Variants in LARS2 observed in about 807,000 individuals in gnomAD.
LARS2 encodes leucyl-tRNA synthetase 2, mitochondrial.
LARS2 carries 81 observed loss-of-function variants against 116.6 expected under a neutral mutation model. That is an observed-to-expected ratio of 0.69 (90% CI 0.58 to 0.84). LARS2 has a LOEUF of 0.84. Among genes scored for constraint, LARS2 ranks in the 40% least tolerant of loss-of-function variants. The probability of loss-of-function intolerance (pLI) is 0.00; values close to 1 mark genes in which losing one functional copy is unlikely to be tolerated. For synonymous variants in LARS2, 396 were observed against 407.2 expected, an observed-to-expected ratio of 0.97 and a Z score of 0.33; for missense variants, 968 against 1,114.5, an observed-to-expected ratio of 0.87 and a Z score of 1.87.
At chr3:45,393,164 G>A (rs544982212) in intron 2 of LARS2, among the ~76,000 whole-genome samples, 21 of 152,274 alleles carry the variant, frequency 1.4e-4, no homozygotes, top group African/African-American at 4.8e-4. Flanking sequence ...CCTATGAGTT[G>A]TATTTCAAAA....
intron 13 of LARS2, among the ~76,000 whole-genome samples, chr3:45,493,617 GGGC>G (rs1231734924): frequency 6.6e-6 from 1 of 152,138 alleles, no homozygotes; most frequent in African/African-American, 2.4e-5. Flanking sequence ...ATAATCCCCA[GGGC>G]TACTGGGGAT....
intron 13 of LARS2, among the ~76,000 whole-genome samples, chr3:45,496,063 G>A (rs1160117232): frequency 2.6e-5 from 4 of 152,128 alleles, no homozygotes; most frequent in African/African-American, 9.7e-5. Flanking sequence ...GTTTCACCAT[G>A]TTGGCCAGTA....
intron 15 of LARS2, 76 bp from the exon 16 acceptor site, chr3:45,513,059 G>A (rs1437470932): frequency 1.0e-6 from 1 of 973,096 alleles, no homozygotes; most frequent in African/African-American, 1.6e-5. Flanking sequence ...CCATCCGAGG[G>A]AAGGTCTGCG....
At chr3:45,418,612 T>A (rs1698468696) in intron 5 of LARS2, among the ~76,000 whole-genome samples, 1 of 152,200 alleles carries the variant, frequency 6.6e-6, no homozygotes, top group South Asian at 2.1e-4. Context: ...TGGAACACAG[T>A]CAAATCCATT....
rs896084596 is a variant in LARS2 at position 45,549,154 on chromosome 3, C to T, written c.*1624C>T. The T allele has an allele frequency of 6.6e-6, 1 of 152,236 alleles. No individual in the cohort carries two copies. The highest frequency in any genetic ancestry group is 1.5e-5 in the Non-Finnish European group (1 of 68,032). 9.4% of individuals were successfully genotyped at this position (152,236 alleles called of 1,614,324 possible). A position where few individuals can be genotyped will look rare whatever the true frequency, so the allele number is the denominator to read the frequency against. On this transcript the variant is annotated 3_prime_UTR_variant, in exon 22 of 22. Transcript: ENST00000645846. ...GCTTGAACACCAGGAATCTTTAAAA[C>T]TCCACAAGTGATTCTAATGGGCAGC...
At chr3:45,483,157 C>T (rs1046240055) in intron 10 of LARS2, among the ~76,000 whole-genome samples, 2 of 152,150 alleles carry the variant, frequency 1.3e-5, no homozygotes, top group Non-Finnish European at 2.9e-5. Flanking sequence ...GTCTGTGCCA[C>T]CTGCTGTTTC....
intron 14 of LARS2, among the ~76,000 whole-genome samples, chr3:45,498,289 A>C (rs1700052128): frequency 6.6e-6 from 1 of 152,232 alleles, no homozygotes. Flanking sequence ...CTTCAGCCCC[A>C]GCACGAGTTC....
At chr3:45,447,283 T>G (rs9848125) in intron 7 of LARS2, among the ~76,000 whole-genome samples, 135,423 of 152,176 alleles carry the variant, frequency 0.89, 62,316 homozygotes, top group East Asian at 1. Flanking sequence ...TATGTGAACA[T>G]CTGGGTAACT....
intron 15 of LARS2, among the ~76,000 whole-genome samples, chr3:45,511,201 A>G (rs1219966528): frequency 1.3e-5 from 2 of 152,186 alleles, no homozygotes; most frequent in African/African-American, 4.8e-5. Flanking sequence ...TCAACTGTCA[A>G]GTTTCATTGT....
At chr3:45,506,789 C>G (rs1575300933) in intron 15 of LARS2, 1 of 152,044 alleles carries the variant, frequency 6.6e-6, no homozygotes, top group East Asian at 1.9e-4. Flanking sequence ...CTAATTTCTT[C>G]AAATACAGAC....
chr3:45,456,260 A>C (rs1200676555), intron 7 of LARS2, among the ~76,000 whole-genome samples: 1 of 152,104 alleles, frequency 6.6e-6, no homozygotes, highest in African/African-American at 2.4e-5. Context: ...AAATACAGTT[A>C]TGATTTGTCA....
At chr3:45,477,958 A>C (rs192255283) in intron 10 of LARS2, among the ~76,000 whole-genome samples, 1 of 152,104 alleles carries the variant, frequency 6.6e-6, no homozygotes, top group Non-Finnish European at 1.5e-5. Context: ...AGCCTGCTGC[A>C]TGCACTCTTG....
intron 20 of LARS2, among the ~76,000 whole-genome samples, chr3:45,533,592 ATCTG>A (rs1700655355): frequency 1.3e-5 from 2 of 152,088 alleles, no homozygotes; most frequent in Non-Finnish European, 2.9e-5. Context: ...GGCCCACTTT[ATCTG>A]TCTACCTCCT....
chr3:45,456,179 G>T (rs965238), intron 7 of LARS2, among the ~76,000 whole-genome samples: 1 of 152,010 alleles, frequency 6.6e-6, no homozygotes. Context: ...AGTAAGTGAG[G>T]TGATGGGTAT....
At chr3:45,396,368 C>T (rs1041198546) in intron 3 of LARS2, among the ~76,000 whole-genome samples, 1 of 152,170 alleles carries the variant, frequency 6.6e-6, no homozygotes. Context: ...ATTCTGGGCT[C>T]CTTGCATTGT....
chr3:45,491,827 G>T, intron 13 of LARS2, 27 bp downstream of exon 13: 1 of 1,603,302 alleles, frequency 6.2e-7, no homozygotes. Flanking sequence ...CTGCAGTGGT[G>T]ACTGTGCCTA....
At chr3:45,428,080 C>T (rs888418183) in intron 6 of LARS2, among the ~76,000 whole-genome samples, 1 of 151,956 alleles carries the variant, frequency 6.6e-6, no homozygotes, top group African/African-American at 2.4e-5. Flanking sequence ...CTCGGCCTCC[C>T]AAATTGCTGG....
intron 8 of LARS2, among the ~76,000 whole-genome samples, chr3:45,460,631 G>C (rs1370007805): frequency 6.6e-6 from 1 of 152,114 alleles, no homozygotes; most frequent in Non-Finnish European, 1.5e-5. Flanking sequence ...TCAGCACTTG[G>C]TTTACTCTGA....
rs548056066 is a variant in LARS2 at position 45,419,101 on chromosome 3, T to TA, written c.456-561dup. Among the ~76,000 whole-genome samples the TA allele has an allele frequency of 5.3e-4, 81 of 152,342 alleles. 1 individual carries two copies. The highest frequency in any genetic ancestry group is 1.1e-3 in the Non-Finnish European group (72 of 68,022). On this transcript the variant is annotated intron_variant, in intron 5 of 21. Coordinates refer to ENST00000645846, the MANE Select transcript of LARS2 (RefSeq NM_015340.4). ...TAGAAATGAATTAGTCCTTTTTCTTTAAAAAAATGAAAGAGAAAAAGGTTT... is the reference window on the plus strand; with the variant it reads ...TAGAAATGAATTAGTCCTTTTTCTTTAAAAAAAATGAAAGAGAAAAAGGTTT...
Sources: allele counts gnomAD v4.1 joint callset (sites outside exome capture counted in the v4.1 genomes callset), GRCh38; gene constraint gnomAD v4.1.1; transcripts MANE v1.5; gene names NCBI Gene and HGNC (gene_info 2026-07-23, HGNC 2026-07-21).